The following XPO6 variants were observed in gnomAD, a reference collection of about 807,000 sequenced individuals.
The protein encoded by XPO6 is exportin 6, also known as exportin-6.
XPO6 carries 3 observed loss-of-function variants against 130.0 expected under a neutral mutation model. The ratio of observed to expected loss-of-function variants is 0.02; its 90% confidence interval spans 0.01 to 0.06. The LOEUF (loss-of-function observed/expected upper bound fraction) is 0.06, where lower values mean the gene tolerates loss of function less well. XPO6 is among the 10% of genes least tolerant of loss of function. The pLI, the probability that XPO6 is intolerant of heterozygous loss-of-function variation, is 1.00. For missense variants in XPO6, 970 were observed against 1,393.0 expected (o/e 0.70, Z 4.83); for synonymous variants, 524 against 548.9 (o/e 0.95, Z 0.63).
intron 14 of XPO6, among the ~76,000 whole-genome samples, chr16:28,120,440 A>T (rs1280536617): frequency 1.3e-5 from 2 of 152,252 alleles, no homozygotes; most frequent in African/African-American, 4.8e-5. Context: ...TTACATTTAA[A>T]ATTTTATTTT....
chr16:28,140,971 C>G (rs1002824772), intron 9 of XPO6, among the ~76,000 whole-genome samples: 7 of 152,210 alleles, frequency 4.6e-5, no homozygotes, highest in African/African-American at 1.7e-4. Flanking sequence ...ATAGCTTTTT[C>G]AACTCAATAA....
At chr16:28,122,212 G>C (rs1188064128) in intron 13 of XPO6, among the ~76,000 whole-genome samples, 2 of 152,090 alleles carry the variant, frequency 1.3e-5, no homozygotes, top group African/African-American at 4.8e-5. Context: ...ACTTGTTTTA[G>C]GGGGAGGATA....
chr16:28,164,454 C>T (rs868739894), intron 6 of XPO6, among the ~76,000 whole-genome samples: 3 of 152,166 alleles, frequency 2.0e-5, no homozygotes, highest in Non-Finnish European at 4.4e-5. Flanking sequence ...AAGAAAAATA[C>T]TGTAACAAAT....
intron 17 of XPO6, among the ~76,000 whole-genome samples, chr16:28,109,771 G>C (rs2285616): frequency 0.054 from 8,176 of 152,244 alleles, 564 homozygotes; most frequent in East Asian, 0.17. Context: ...AAGCAAAAAA[G>C]AACAATTTGG....
At chr16:28,209,280 A>G (rs1394182942) in intron 1 of XPO6, among the ~76,000 whole-genome samples, 1 of 152,204 alleles carries the variant, frequency 6.6e-6, no homozygotes, top group Non-Finnish European at 1.5e-5. Flanking sequence ...TAAACTGTAC[A>G]CTTAAAAATG....
At position 28,177,238 on chromosome 16, in the gene XPO6, G is replaced by A; in HGVS notation, c.189C>T (p.Tyr63=). The A allele has an allele frequency of 6.2e-7, 1 of 1,606,810 alleles. No homozygotes were observed. Among genetic ancestry groups the A allele is most frequent in the Non-Finnish European group, 8.5e-7 (1 of 1,177,772 alleles). Residue 63 remains tyrosine (Y), a synonymous_variant, in exon 3 of 24, where the codon TAC becomes TAT. Transcript: ENST00000304658. ...SSTRNDYVMM[Y]SLTVFENLIN... ...AACTTACCTCAAAAACTGTTAAACT[G>A]TACATCATTACATAGTCATTCCTAG...
At chr16:28,183,822 G>T (rs780868439) in intron 1 of XPO6, among the ~76,000 whole-genome samples, 1 of 152,026 alleles carries the variant, frequency 6.6e-6, no homozygotes, top group African/African-American at 2.4e-5. Context: ...TATCTAGTGG[G>T]GCTTTTCAGA....
chr16:28,166,981 A>G (rs528710126), intron 5 of XPO6, among the ~76,000 whole-genome samples: 13 of 152,256 alleles, frequency 8.5e-5, no homozygotes, highest in East Asian at 3.9e-4. Flanking sequence ...TTTGAACTCA[A>G]TTCTATCCCT....
chr16:28,177,106 C>T lies in XPO6; in HGVS notation c.207+114G>A, dbSNP rs1183990011. On this transcript the variant is annotated intron_variant, in intron 3 of 23. Transcript: ENST00000304658. Reference sequence around the variant, plus strand: ...ATAAAGACAGTATGTGGGACGACATCCCAGAGCTGAGCTACCCTCTCCCAG... The same window carrying T: ...ATAAAGACAGTATGTGGGACGACATTCCAGAGCTGAGCTACCCTCTCCCAG... 5.2e-6 allele frequency: 3 copies of T among 572,304 alleles called. No individual in the cohort carries two copies. The African/African-American group carries it at 5.8e-5, about 11-fold the overall frequency. 35.5% of individuals were successfully genotyped at this position (572,304 alleles called of 1,614,324 possible). A position where few individuals can be genotyped will look rare whatever the true frequency, so the allele number is the denominator to read the frequency against.
chr16:28,110,222 C>A (rs150115328), intron 17 of XPO6, among the ~76,000 whole-genome samples: 22 of 152,342 alleles, frequency 1.4e-4, no homozygotes, highest in African/African-American at 4.1e-4. Flanking sequence ...AGTCAGCATA[C>A]TGAAGACGTC....
In XPO6 at chr16:28,117,407, A is replaced by G; in HGVS notation, c.1915T>C (p.Cys639Arg). 6.2e-7 allele frequency: 1 copy of G among 1,614,200 alleles called. No individual in the cohort carries two copies. Among genetic ancestry groups the G allele is most frequent in the Non-Finnish European group, 8.5e-7 (1 of 1,180,026 alleles). Residue 639 changes from cysteine (C) to arginine (R), a missense_variant, in exon 15 of 24, where the codon TGC becomes CGC. This residue lies in a region of XPO6 where 936 missense variants were observed against 1,306.8 expected (regional missense o/e 0.72). Coordinates refer to ENST00000304658, the MANE Select transcript of XPO6 (RefSeq NM_015171.4). ...QAYSHWLAQY[C>R]SEVHRQNTQQ... ...GTGTTCTGCCGGTGAACTTCACTGC[A>G]ATACTGTGCTAACCAGTGAGAGTAA...
At chr16:28,202,476 G>C (rs1159486227) in intron 1 of XPO6, among the ~76,000 whole-genome samples, 2 of 152,152 alleles carry the variant, frequency 1.3e-5, no homozygotes, top group Non-Finnish European at 2.9e-5. Context: ...GACAATGACA[G>C]CTTGATCAAA....
intron 12 of XPO6, among the ~76,000 whole-genome samples, chr16:28,128,937 C>A (rs1307386877): frequency 6.6e-6 from 1 of 152,332 alleles, no homozygotes; most frequent in African/African-American, 2.4e-5. Context: ...CCTGATCCCT[C>A]CCCTCTGAAC....
intron 12 of XPO6, among the ~76,000 whole-genome samples, chr16:28,129,503 A>G (rs1341400900): frequency 6.6e-6 from 1 of 152,098 alleles, no homozygotes; most frequent in African/African-American, 2.4e-5. Flanking sequence ...TGGCCACACA[A>G]AAGTCCTATC....
intron 5 of XPO6, 151 bp from the exon 6 acceptor site, chr16:28,166,736 C>T: frequency 6.8e-7 from 1 of 1,468,430 alleles, no homozygotes; most frequent in Non-Finnish European, 9.0e-7. Context: ...GCGGCTGTGC[C>T]TCTCGACTTC....
chr16:28,203,644 T>C (rs528796608), intron 1 of XPO6, among the ~76,000 whole-genome samples: 2 of 152,176 alleles, frequency 1.3e-5, no homozygotes, highest in African/African-American at 4.8e-5. Context: ...CAAATCCAAA[T>C]CACCAACTGA....
At position 28,104,656 on chromosome 16, in the gene XPO6, G is replaced by A; in HGVS notation, c.2836C>T (p.Leu946Phe). 1 of 1,614,212 alleles carries A rather than the reference G, an allele frequency of 6.2e-7. No individual in the cohort carries two copies. The highest frequency in any genetic ancestry group is 1.1e-5 in the South Asian group (1 of 91,088). ...AAGAAGTACCTCCAGTTGTGATGGA[G>A]CGTCCGGAAAAGGAGCTCAAACAGC... ...AELFELLFRT[L>F]HHNWRYFFKS... The change falls in exon 21 of 24, where the codon CTC becomes TTC. Residue 946 changes from leucine (L) to phenylalanine (F), a missense_variant. This residue lies in a region of XPO6 where 936 missense variants were observed against 1,306.8 expected (regional missense o/e 0.72). Transcript: ENST00000304658.
At chr16:28,174,458 A>AG (rs2043503765) in intron 4 of XPO6, among the ~76,000 whole-genome samples, 1 of 152,138 alleles carries the variant, frequency 6.6e-6, no homozygotes, top group Non-Finnish European at 1.5e-5. Context: ...CCCCGCCCTG[A>AG]GATCATAAAT....
intron 1 of XPO6, among the ~76,000 whole-genome samples, chr16:28,188,837 A>G (rs962221094): frequency 2.6e-5 from 4 of 152,198 alleles, no homozygotes; most frequent in African/African-American, 9.7e-5. Context: ...TCAAAAAGCC[A>G]GAAAGCTAGA....
Sources: allele counts gnomAD v4.1 joint callset (sites outside exome capture counted in the v4.1 genomes callset), GRCh38; gene constraint gnomAD v4.1.1; regional missense constraint gnomAD v4.1.1; transcripts MANE v1.5; gene names NCBI Gene and HGNC (gene_info 2026-07-23, HGNC 2026-07-21).